Variants in AHNAK2 observed in about 807,000 individuals in gnomAD.
The protein encoded by AHNAK2 is protein AHNAK2.
A neutral mutation model predicts 30.7 loss-of-function variants in AHNAK2; 18 were observed. The ratio of observed to expected loss-of-function variants is 0.59; its 90% CI spans 0.41 to 0.87. AHNAK2 has a LOEUF of 0.87. AHNAK2 is among the 40% of genes least tolerant of loss of function. The probability of loss-of-function intolerance (pLI) is 0.00; values close to 1 mark genes in which losing one functional copy is unlikely to be tolerated. For missense variants in AHNAK2, 8,604 were observed against 7,373.0 expected, an observed-to-expected ratio of 1.17 and a Z score of -6.11; for synonymous variants, 3,590 against 3,073.8, an observed-to-expected ratio of 1.17 and a Z score of -5.56.
At chr14:104,962,289 A>G (rs777693665) in intron 1 of AHNAK2, among the ~76,000 whole-genome samples, 3 of 152,222 alleles carry the variant, frequency 2.0e-5, no homozygotes, top group Admixed American at 6.5e-5. Context: ...CGAATTTAAA[A>G]TAACTTCAGT....
rs1446743591 is a variant in AHNAK2, at chr14:104,949,724, C to A, written c.5727G>T (p.Val1909=). ...TGGGCATCTTGAAACTGGGCATATC[C>A]ACCTTGGGCAAGTGCCCTTTGAGGC... The part of the protein sequence containing the change: ...GAGLKGHLPK[V]DMPSFKMPKV... Residue 1909 remains valine (V), a synonymous_variant, in exon 7 of 7, where the codon GTG becomes GTT. Coordinates refer to ENST00000333244, the MANE Select transcript of AHNAK2 (RefSeq NM_138420.4). The A allele has an allele frequency of 2.5e-6, 4 of 1,587,384 alleles. No homozygotes were observed.
At chr14:104,955,771 G>T (rs1898955229) in intron 4 of AHNAK2, 138 bp from the exon 5 acceptor site, 1 of 1,198,502 alleles carries the variant, frequency 8.3e-7, no homozygotes. Context: ...GCAGAGTAGG[G>T]TACCCACCAG....
In AHNAK2 at chr14:104,940,271, G is replaced by A. The variant is rs933536201; in HGVS notation, c.15180C>T (p.Asp5060=). ...SSATAGGSFQ[D]TEKASSDGGR... ...CACCGTCACTGCTGGCCTTTTCTGT[G>A]TCTTGAAAGCTACCCCCTGCTGTGG... is the stretch of plus-strand genomic sequence containing the variant. The change falls in exon 7 of 7, where the codon GAC becomes GAT. Residue 5060 remains aspartate (D), a synonymous_variant. Transcript: ENST00000333244. This position sits in a 1 kb window ranked among gnomAD's most constrained non-coding sequence, Gnocchi z 4.4. The A allele has an allele frequency of 1.3e-5, 21 of 1,613,498 alleles. No individual in the cohort carries two copies. The highest frequency in any genetic ancestry group is 2.2e-5 in the East Asian group (1 of 44,886).
chr14:104,956,394 C>T (rs1898975308), intron 4 of AHNAK2, among the ~76,000 whole-genome samples, 194 bp downstream of exon 4: 1 of 152,112 alleles, frequency 6.6e-6, no homozygotes, highest in African/African-American at 2.4e-5. Flanking sequence ...AGGGCCAGGA[C>T]CAGATGTAGC....
Position 104,943,752 on chromosome 14 carries a change from T to A in AHNAK2, c.11699A>T (p.Asp3900Val), listed in dbSNP as rs754832695. The A allele has an allele frequency of 6.2e-7, 1 of 1,612,368 alleles. No individual in the cohort carries two copies. Among genetic ancestry groups the A allele is most frequent in the Admixed American group, 1.7e-5 (1 of 59,836 alleles). ...GATGTCTATTTCAGGGCCCTTGAGG[T>A]CGACTTTGGGCATCTTGAAACTGGG... ...QMPSFKMPKV[D>V]LKGPEIDIKG... Residue 3900 changes from aspartate (D) to valine (V), a missense_variant, in exon 7 of 7, where the codon GAC (aspartate) becomes GTC (valine). Transcript: ENST00000333244.
At chr14:104,975,598 T>C (rs1899571550) in intron 1 of AHNAK2, among the ~76,000 whole-genome samples, 1 of 152,172 alleles carries the variant, frequency 6.6e-6, no homozygotes. Flanking sequence ...CAGAACAGCA[T>C]GTCACCGACC....
At position 104,944,587 on chromosome 14, in the gene AHNAK2, C is replaced by T; in HGVS notation, c.10864G>A (p.Gly3622Arg). Reference protein sequence around the residue: ...KAKLDAGRLEGDLSLADKDVT... With the variant: ...KAKLDAGRLERDLSLADKDVT... ...TCCTTGTCAGCCAGGGACAGGTCTC[C>T]CTCCAGCCGCCCAGCATCCAGCTTG... Residue 3622 changes from glycine to arginine, a missense_variant, in exon 7 of 7, where the codon GGA becomes AGA. Gly to Arg is a moderately radical substitution (Grantham distance 125). Coordinates refer to ENST00000333244, the MANE Select transcript of AHNAK2 (RefSeq NM_138420.4). 1.2e-6 allele frequency: 2 copies of T among 1,613,236 alleles called. No individual in the cohort carries two copies. Among genetic ancestry groups the T allele is most frequent in the Non-Finnish European group, 1.7e-6 (2 of 1,179,654 alleles).
In AHNAK2 at chr14:104,943,919, C is replaced by G. The variant is rs759764969; in HGVS notation, c.11532G>C (p.Gly3844=). ...EADVSLPSMQ[G]DLKTTDLSIQ... The stretch of plus-strand genomic sequence containing the variant: ...TGCTGAGGTCAGTGGTCTTGAGGTC[C>G]CCCTGCATGGAGGGGAGACTCACAT... Residue 3844 remains glycine, a synonymous_variant, in exon 7 of 7, where the codon GGG becomes GGC. Coordinates refer to ENST00000333244, the MANE Select transcript of AHNAK2 (RefSeq NM_138420.4). The G allele has an allele frequency of 6.2e-7, 1 of 1,612,972 alleles. No individual in the cohort carries two copies. The highest frequency in any genetic ancestry group is 1.3e-5 in the African/African-American group (1 of 74,702).
In AHNAK2 at chr14:104,952,467, T is replaced by C; in HGVS notation, c.2984A>G (p.Asp995Gly). ...SLADKDVTAKDSKFKMPKFKM... is the reference protein window; with the variant it reads ...SLADKDVTAKGSKFKMPKFKM... ...GAACTTGGGCATTTTGAACTTGCTGTCTTTGGCAGTCACGTCCTTGTCGGC... is the reference window on the plus strand; with the variant it reads ...GAACTTGGGCATTTTGAACTTGCTGCCTTTGGCAGTCACGTCCTTGTCGGC... Residue 995 changes from aspartate to glycine, a missense_variant, in exon 7 of 7, where the codon GAC (aspartate) becomes GGC (glycine). Physicochemically the swap from Asp to Gly is moderately conservative, Grantham distance 94. Coordinates refer to ENST00000333244, the MANE Select transcript of AHNAK2 (RefSeq NM_138420.4). 1 of 1,612,492 alleles carries C rather than the reference T, an allele frequency of 6.2e-7. No homozygotes were observed. The highest frequency in any genetic ancestry group is 8.5e-7 in the Non-Finnish European group (1 of 1,179,572).
At position 104,953,022 on chromosome 14, in the gene AHNAK2, A is replaced by G; in HGVS notation, c.2429T>C (p.Leu810Pro). The G allele has an allele frequency of 6.2e-7, 1 of 1,612,768 alleles. No homozygotes were observed. Among genetic ancestry groups the G allele is most frequent in the South Asian group, 1.1e-5 (1 of 91,026 alleles). The change falls in exon 7 of 7, where the codon CTG becomes CCG. Residue 810 changes from leucine to proline, a missense_variant. Coordinates refer to ENST00000333244, the MANE Select transcript of AHNAK2 (RefSeq NM_138420.4). ...EVDVQAPRAK[L>P]DGARLEGDLS... The stretch of plus-strand genomic sequence containing the variant: ...GTCCCCCTCCAGCCGCGCACCATCC[A>G]GCTTTGCTCTCGGGGCCTGGACGTC...
At position 104,946,679 on chromosome 14, in the gene AHNAK2, G is replaced by C; in HGVS notation, c.8772C>G (p.Asp2924Glu). The C allele has an allele frequency of 6.2e-7, 1 of 1,612,726 alleles. No individual in the cohort carries two copies. The highest frequency in any genetic ancestry group is 1.1e-5 in the South Asian group (1 of 91,038). Reference protein sequence around the residue: ...PQIDVKGPKLDLKGPKAEVTA... With the variant: ...PQIDVKGPKLELKGPKAEVTA... ...TCACCTCCGCCTTGGGGCCTTTCAG[G>C]TCCAGCTTGGGGCCCTTGACGTCTA... The change falls in exon 7 of 7, where the codon GAC becomes GAG. Residue 2924 changes from aspartate to glutamate, a missense_variant. Transcript: ENST00000333244.
In AHNAK2 at chr14:104,966,811, A is replaced by G. The variant is rs1899315850; in HGVS notation, c.56-9139T>C. 6.6e-6 allele frequency among the ~76,000 whole-genome samples: 1 copy of G among 152,228 alleles called. No individual in the cohort carries two copies. Among genetic ancestry groups the G allele is most frequent in the Non-Finnish European group, 1.5e-5 (1 of 68,028 alleles). The stretch of plus-strand genomic sequence containing the variant: ...CAAGGAAAGGGACAGGAATCTGGCC[A>G]GAGCCTGCCCACCGCTAAGCCAAGG... On this transcript the variant is annotated intron_variant, in intron 1 of 6. Transcript: ENST00000333244. The surrounding 1 kb of genome is among the most constrained non-coding windows in gnomAD (Gnocchi z 4.3).
rs1334631612 is a variant in AHNAK2, at chr14:104,954,644, G to C, written c.807C>G (p.Ser269Arg). The C allele has an allele frequency of 1.2e-5, 19 of 1,612,780 alleles. No homozygotes were observed. The highest frequency in any genetic ancestry group is 1.5e-5 in the Non-Finnish European group (18 of 1,179,700). ...ACCTCTGGGGTCCCGGCCCCCGCTT[G>C]CTCTTTATGGATTGAAATTTTGGCC... Reference protein sequence around the residue: ...LSWPKFQSIKSKRGPGPQRSH... With the variant: ...LSWPKFQSIKRKRGPGPQRSH... Residue 269 changes from serine (S) to arginine (R), a missense_variant, in exon 7 of 7, where the codon AGC becomes AGG. Transcript: ENST00000333244. This position sits in a 1 kb window ranked among gnomAD's most constrained non-coding sequence, Gnocchi z 4.3.
In AHNAK2 at chr14:104,948,011, G is replaced by A. The variant is rs774387682; in HGVS notation, c.7440C>T (p.Asp2480=). 3.1e-6 allele frequency: 5 copies of A among 1,611,400 alleles called. No individual in the cohort carries two copies. The African/African-American group carries it at 4.1e-5, about 13-fold the overall frequency. ...TGAACTTGGGAATTTTGAACCTGCT[G>A]TCTTTGGTAGTCACATCCTTGTCCG... ...SVADKDVTTK[D]SRFKIPKFKM... The change falls in exon 7 of 7, where the codon GAC becomes GAT. Residue 2480 remains aspartate, a synonymous_variant. Transcript: ENST00000333244.
At chr14:104,973,789 C>A (rs1899532898) in intron 1 of AHNAK2, among the ~76,000 whole-genome samples, 1 of 152,230 alleles carries the variant, frequency 6.6e-6, no homozygotes, top group African/African-American at 2.4e-5. Flanking sequence ...AAGAGCTCTG[C>A]AGAGAGGAGG....
rs752418309 is a variant in AHNAK2, at chr14:104,950,369, G to A, written c.5082C>T (p.Leu1694=). 1.1e-5 allele frequency: 17 copies of A among 1,586,296 alleles called. 1 individual carries two copies. The highest frequency in any genetic ancestry group is 6.8e-5 in the East Asian group (3 of 44,276). ...TCTTCAGGTCCCCCTGCATGGAGGGGAGGCTCACATCAGCTTCCACCTTCG... is the reference window on the plus strand; with the variant it reads ...TCTTCAGGTCCCCCTGCATGGAGGGAAGGCTCACATCAGCTTCCACCTTCG... ...SEPKVEADVS[L]PSMQGDLKTT... Residue 1694 remains leucine, a synonymous_variant, in exon 7 of 7, where the codon CTC becomes CTT. Coordinates refer to ENST00000333244, the MANE Select transcript of AHNAK2 (RefSeq NM_138420.4).
At position 104,939,507 on chromosome 14, in the gene AHNAK2, A is replaced by T; in HGVS notation, c.15944T>A (p.Leu5315His). Residue 5315 changes from leucine (L) to histidine (H), a missense_variant, in exon 7 of 7, where the codon CTT becomes CAT. Leu to His is a moderately conservative substitution (Grantham distance 99). Coordinates refer to ENST00000333244, the MANE Select transcript of AHNAK2 (RefSeq NM_138420.4). ...PLPFQMPGMR[L>H]PETQVLPGEI... ...TCCTGGAAGAACCTGGGTTTCTGGAAGCCTCATGCCAGGCATCTGAAAAGG... is the reference window on the plus strand; with the variant it reads ...TCCTGGAAGAACCTGGGTTTCTGGATGCCTCATGCCAGGCATCTGAAAAGG... 1.2e-6 allele frequency: 2 copies of T among 1,613,666 alleles called. No homozygotes were observed. The highest frequency in any genetic ancestry group is 8.5e-7 in the Non-Finnish European group (1 of 1,179,860).
Position 104,942,896 on chromosome 14 carries a change from G to A in AHNAK2, c.12555C>T (p.Ser4185=), listed in dbSNP as rs574126026. 6 of 1,613,078 alleles carry A rather than the reference G, an allele frequency of 3.7e-6. No individual in the cohort carries two copies. In the East Asian group the frequency reaches 1.1e-4, roughly 30 times the overall value. Reference sequence around the variant, plus strand: ...CCTGGACCTCCAGGTCGGCGGAAGGGGACTGAATGCTGAGGTCAGTGGTCT... The same window carrying A: ...CCTGGACCTCCAGGTCGGCGGAAGGAGACTGAATGCTGAGGTCAGTGGTCT... The part of the protein sequence containing the change: ...DLKTTDLSIQ[S]PSADLEVQAG... The change falls in exon 7 of 7, where the codon TCC becomes TCT. Residue 4185 remains serine, a synonymous_variant. Transcript: ENST00000333244.
Position 104,953,500 on chromosome 14 carries a change from T to A in AHNAK2, c.1951A>T (p.Ile651Leu). ...TTTTTTAAGCGTTTTTCATCGTGTATTAGTTGTATTTTTGTTGTGTTTGTC... is the reference window on the plus strand; with the variant it reads ...TTTTTTAAGCGTTTTTCATCGTGTAATAGTTGTATTTTTGTTGTGTTTGTC... ...SMTNTTKIQL[I>L]HDEKRLKKEQ... Residue 651 changes from isoleucine to leucine, a missense_variant, in exon 7 of 7, where the codon ATA becomes TTA. Physicochemically the swap from Ile to Leu is conservative, Grantham distance 5 (BLOSUM62 2). Transcript: ENST00000333244. 2 of 1,613,918 alleles carry A rather than the reference T, an allele frequency of 1.2e-6. No homozygotes were observed. Among genetic ancestry groups the A allele is most frequent in the Non-Finnish European group, 1.7e-6 (2 of 1,179,842 alleles).
Sources: gnomAD v4.1 joint callset for allele counts (sites outside exome capture counted in the v4.1 genomes callset) on GRCh38, gnomAD v4.1.1 for gene constraint, Gnocchi (gnomAD v3.1) non-coding constraint, MANE v1.5 for transcripts, NCBI Gene and HGNC (gene_info 2026-07-23, HGNC 2026-07-21) for gene names.